The following ZNF195 variants were observed in gnomAD, a reference collection of about 807,000 sequenced individuals.
ZNF195 encodes the protein hypoxia-regulated factor-1.
A neutral mutation model predicts 19.5 loss-of-function variants in ZNF195; 11 were observed. That is an observed-to-expected ratio of 0.57 (90% CI 0.36 to 0.94). ZNF195 has a LOEUF of 0.94. Among genes scored for constraint, ZNF195 ranks in the 40% least tolerant of loss-of-function variants. The pLI is 0.01. For synonymous variants in ZNF195, 214 were observed against 248.1 expected (o/e 0.86, Z 1.29); for missense variants, 582 against 709.0 (o/e 0.82, Z 2.03).
rs536223615 is a variant in ZNF195 at position 3,369,277 on chromosome 11, C to T, written c.226+1698G>A. The T allele has an allele frequency of 7.2e-4, 170 of 235,728 alleles. 1 individual carries two copies. In the South Asian group the frequency reaches 7.6e-3, roughly 11 times the overall value. 14.6% of individuals were successfully genotyped at this position (235,728 alleles called of 1,614,324 possible). On this transcript the variant is annotated intron_variant, in intron 3 of 5. Coordinates refer to ENST00000399602, the MANE Select transcript of ZNF195 (RefSeq NM_001130520.3). ...TAAAGAAAAAACAATTCTGAACGCT[C>T]AGAGTTCTCAACTGGTAGAGTCATT... is the stretch of plus-strand genomic sequence containing the variant.
chr11:3,363,090 G>A (rs1311633584), intron 3 of ZNF195, among the ~76,000 whole-genome samples: 3 of 152,182 alleles, frequency 2.0e-5, no homozygotes, highest in Non-Finnish European at 4.4e-5. Context: ...GTGCATATTC[G>A]TATATATATT....
At chr11:3,366,267 A>AAC (rs1212837932) in intron 3 of ZNF195, among the ~76,000 whole-genome samples, 1 of 141,512 alleles carries the variant, frequency 7.1e-6, no homozygotes, top group Non-Finnish European at 1.5e-5. Flanking sequence ...CCATCTCAAA[A>AAC]AAAAAAAAAA....
intron 4 of ZNF195, 77 bp from the exon 5 acceptor site, chr11:3,360,865 A>G: frequency 7.6e-7 from 1 of 1,314,912 alleles, no homozygotes; most frequent in African/African-American, 1.5e-5. Context: ...GTATAGCATC[A>G]TGCCTTTAAG....
chr11:3,360,168 G>A lies in ZNF195; in HGVS notation c.840C>T (p.Thr280=). The A allele has an allele frequency of 6.2e-7, 1 of 1,613,900 alleles. No homozygotes were observed. Among genetic ancestry groups the A allele is most frequent in the Non-Finnish European group, 8.5e-7 (1 of 1,179,908 alleles). ...CAGTAAAGTGTGAGCACTGGATAAA[G>A]GTTTTGCCACATTCTCCACATTTTT... ...KFQKCGECGK[T]FIQCSHFTEP... Residue 280 remains threonine, a synonymous_variant, in exon 6 of 6, where the codon ACC becomes ACT. Transcript: ENST00000399602.
At chr11:3,363,984 G>T (rs527416751) in intron 3 of ZNF195, among the ~76,000 whole-genome samples, 22 of 152,258 alleles carry the variant, frequency 1.4e-4, no homozygotes. Flanking sequence ...AAAAGCAGTA[G>T]AGGTATTATT....
At chr11:3,362,635 G>C in intron 3 of ZNF195, 1 of 546,960 alleles carries the variant, frequency 1.8e-6, no homozygotes, top group South Asian at 2.5e-5. Context: ...TTTAAAAAGA[G>C]TCAAAGCTTA....
At chr11:3,366,263 C>A (rs1183592739) in intron 3 of ZNF195, among the ~76,000 whole-genome samples, 631 of 88,768 alleles carry the variant, frequency 7.1e-3, no homozygotes, top group South Asian at 0.016. Context: ...GACTCCATCT[C>A]AAAAAAAAAA....
At chr11:3,365,697 T>A (rs1380149634) in intron 3 of ZNF195, among the ~76,000 whole-genome samples, 1 of 152,218 alleles carries the variant, frequency 6.6e-6, no homozygotes, top group Non-Finnish European at 1.5e-5. Context: ...CATTACACTT[T>A]CTGATTTTAA....
At chr11:3,372,957 C>T (rs975015695) in intron 1 of ZNF195, among the ~76,000 whole-genome samples, 1 of 152,238 alleles carries the variant, frequency 6.6e-6, no homozygotes, top group Non-Finnish European at 1.5e-5. Context: ...TGGTCTCGAA[C>T]TCCTGGCCCC....
chr11:3,377,419 T>C (rs148205612), intron 1 of ZNF195, among the ~76,000 whole-genome samples: 1 of 152,352 alleles, frequency 6.6e-6, no homozygotes, highest in Non-Finnish European at 1.5e-5. Context: ...TTACAGGTTT[T>C]GCACCATCTC....
Position 3,360,332 on chromosome 11 carries a change from C to G in ZNF195, c.676G>C (p.Asp226His), listed in dbSNP as rs778063543. The G allele has an allele frequency of 6.2e-7, 1 of 1,601,336 alleles. No homozygotes were observed. Among genetic ancestry groups the G allele is most frequent in the African/African-American group, 1.3e-5 (1 of 74,134 alleles). ...CGTCTATGTAAATTTGAAAAGTTAT[C>G]AAAGATTTTAACATATTTATTATAT... ...FQYNKYVKIF[D>H]NFSNLHRRNI... The change falls in exon 6 of 6, where the codon GAT (aspartate) becomes CAT (histidine). Residue 226 changes from aspartate to histidine, a missense_variant. Physicochemically the swap from Asp to His is moderately conservative, Grantham distance 81. Transcript: ENST00000399602.
intron 1 of ZNF195, among the ~76,000 whole-genome samples, chr11:3,374,855 T>G (rs1849379931): frequency 6.6e-6 from 1 of 152,272 alleles, no homozygotes; most frequent in Non-Finnish European, 1.5e-5. Context: ...GAAGCAACTA[T>G]TAGACCCACA....
At position 3,361,866 on chromosome 11, in the gene ZNF195, G is replaced by C. The variant is rs1330763594; in HGVS notation, c.250C>G (p.Gln84Glu). 5 of 482,650 alleles carry C rather than the reference G, an allele frequency of 1.0e-5. No individual in the cohort carries two copies. The Admixed American group carries it at 1.3e-4, about 13-fold the overall frequency. The allele number at this position is 482,650 out of a possible 1,614,324, so 29.9% of individuals were successfully genotyped here. The change falls in exon 4 of 6, where the codon CAG becomes GAG. Residue 84 changes from glutamine (Q) to glutamate (E), a missense_variant. Physicochemically the swap from Gln to Glu is conservative, Grantham distance 29. Transcript: ENST00000399602. ...HPEMGFHHAT[Q>E]ACLELLGSSD... ...GAGCCCAGGAGTTCAAGACAAGCCT[G>C]AGTAGCATGGTGAAATCCCATCTCT...
intron 3 of ZNF195, chr11:3,369,232 T>C: frequency 4.4e-6 from 1 of 225,648 alleles, no homozygotes; most frequent in Non-Finnish European, 9.1e-6. Flanking sequence ...GCCAATCTAC[T>C]AACAATGTTG....
At position 3,371,701 on chromosome 11, in the gene ZNF195, A is replaced by C. The variant is rs2133719688; in HGVS notation, c.6T>G (p.Thr2=). The change falls in exon 2 of 6, where the codon ACT becomes ACG. Residue 2 remains threonine (T), a splice_region_variant and synonymous_variant. Transcript: ENST00000399602. The stretch of plus-strand genomic sequence containing the variant: ...TGGCCACATCCCTGAACGTCAACAG[A>C]GTCTGAAGAAGAAACAACAACAATA... M[T]LLTFRDVAIE... is the part of the protein sequence containing the mutation. 6.3e-7 allele frequency: 1 copy of C among 1,593,402 alleles called. No homozygotes were observed. The highest frequency in any genetic ancestry group is 2.2e-5 in the East Asian group (1 of 44,466).
At chr11:3,369,557 T>TA (rs1197132077) in intron 3 of ZNF195, 6 of 434,944 alleles carry the variant, frequency 1.4e-5, no homozygotes, top group East Asian at 7.2e-5. Context: ...TACTCAGCCA[T>TA]AAAAAAGGAA....
At chr11:3,360,984 C>G (rs564510843) in intron 4 of ZNF195, among the ~76,000 whole-genome samples, 196 bp from the exon 5 acceptor site, 1 of 152,270 alleles carries the variant, frequency 6.6e-6, no homozygotes, top group African/African-American at 2.4e-5. Context: ...TTTCTGCCCC[C>G]TGTGACACGG....
At chr11:3,364,666 G>A (rs1251761982) in intron 3 of ZNF195, among the ~76,000 whole-genome samples, 2 of 152,130 alleles carry the variant, frequency 1.3e-5, no homozygotes, top group Non-Finnish European at 2.9e-5. Context: ...ACCTATACAA[G>A]GTCTGCAAAA....
At chr11:3,371,969 A>G (rs1408051973) in intron 1 of ZNF195, among the ~76,000 whole-genome samples, 3 of 152,234 alleles carry the variant, frequency 2.0e-5, no homozygotes, top group African/African-American at 7.2e-5. Context: ...TTTACGTCAC[A>G]TGAATAAGCT....
Sources: gnomAD v4.1 joint callset for allele counts (sites outside exome capture counted in the v4.1 genomes callset) on GRCh38, gnomAD v4.1.1 for gene constraint, MANE v1.5 for transcripts, NCBI Gene and HGNC (gene_info 2026-07-23, HGNC 2026-07-21) for gene names.